Variants in NRCAM observed in about 807,000 individuals in gnomAD.
NRCAM encodes the protein neuronal cell adhesion molecule.
Under a neutral mutation model 156.5 loss-of-function variants are expected in NRCAM, and 83 were observed. The observed-to-expected ratio is 0.53, with a 90% CI of 0.44 to 0.64. NRCAM has a LOEUF of 0.64. Ranked by LOEUF, NRCAM falls within the 30% of genes least tolerant of loss-of-function variation. The probability of loss-of-function intolerance (pLI) is 0.00; values close to 1 mark genes in which losing one functional copy is unlikely to be tolerated. For synonymous variants in NRCAM, 538 were observed against 563.9 expected, an observed-to-expected ratio of 0.95 and a Z score of 0.65; for missense variants, 1,417 against 1,597.3, an observed-to-expected ratio of 0.89 and a Z score of 1.92.
At chr7:108,449,813 C>G (rs1162752505) in intron 1 of NRCAM, among the ~76,000 whole-genome samples, 4 of 152,116 alleles carry the variant, frequency 2.6e-5, no homozygotes, top group Non-Finnish European at 5.9e-5. Context: ...TTTGAATGCT[C>G]TCAGCCCACT....
intron 3 of NRCAM, among the ~76,000 whole-genome samples, chr7:108,309,812 G>A (rs965114212): frequency 3.9e-5 from 6 of 152,120 alleles, no homozygotes; most frequent in African/African-American, 9.7e-5. Flanking sequence ...AGCAGAGATC[G>A]CGCCATTGCA....
intron 2 of NRCAM, among the ~76,000 whole-genome samples, chr7:108,323,313 T>A (rs143952184): frequency 7.9e-4 from 121 of 152,344 alleles, no homozygotes; most frequent in African/African-American, 2.8e-3. Context: ...CAATTTCTAT[T>A]TCCACCATTC....
At chr7:108,431,022 T>C (rs992378136) in intron 1 of NRCAM, among the ~76,000 whole-genome samples, 1 of 152,210 alleles carries the variant, frequency 6.6e-6, no homozygotes, top group African/African-American at 2.4e-5. Flanking sequence ...GTCATGCCTG[T>C]CATGTACATG....
intron 1 of NRCAM, among the ~76,000 whole-genome samples, chr7:108,418,762 A>AC (rs1352222873): frequency 6.6e-6 from 1 of 152,236 alleles, no homozygotes; most frequent in East Asian, 1.9e-4. Context: ...TAATTTCAAC[A>AC]TTTTAATACA....
intron 3 of NRCAM, among the ~76,000 whole-genome samples, chr7:108,273,155 C>T (rs1313032414): frequency 1.3e-4 from 20 of 152,106 alleles, no homozygotes; most frequent in Admixed American, 1.3e-3. Context: ...TATTGATGGG[C>T]ATTTGGGTTG....
At chr7:108,368,604 T>C (rs539101748) in intron 2 of NRCAM, among the ~76,000 whole-genome samples, 194 of 152,270 alleles carry the variant, frequency 1.3e-3, no homozygotes, top group African/African-American at 4.5e-3. Flanking sequence ...AATGTTGCTA[T>C]GGAATCCTTT....
chr7:108,161,865 T>G (rs1421643797), intron 30 of NRCAM, among the ~76,000 whole-genome samples: 1 of 151,232 alleles, frequency 6.6e-6, no homozygotes, highest in African/African-American at 2.5e-5. Context: ...GCTGGTAGCC[T>G]TTTCCCAATA....
chr7:108,177,714 TAC>T (rs2061451548), intron 26 of NRCAM, among the ~76,000 whole-genome samples: 2 of 19,520 alleles, frequency 1.0e-4, no homozygotes, highest in Non-Finnish European at 2.5e-4. Flanking sequence ...TATATATATA[TAC>T]GTGTGTATAT....
intron 32 of NRCAM, among the ~76,000 whole-genome samples, chr7:108,151,050 C>T (rs567139089): frequency 2.8e-4 from 42 of 152,206 alleles, no homozygotes; most frequent in African/African-American, 4.8e-4. Context: ...TACTTTAATA[C>T]GACTTTACAA....
At chr7:108,451,344 C>G (rs1171171007) in intron 1 of NRCAM, among the ~76,000 whole-genome samples, 1 of 152,036 alleles carries the variant, frequency 6.6e-6, no homozygotes, top group South Asian at 2.1e-4. Flanking sequence ...AAACTGGAAC[C>G]CCTGCGCATT....
At chr7:108,178,238 GAA>G (rs1172523116) in intron 25 of NRCAM, 126 bp from the exon 26 acceptor site, 1 of 891,602 alleles carries the variant, frequency 1.1e-6, no homozygotes, top group Non-Finnish European at 1.7e-6. Flanking sequence ...TGATTCAGCT[GAA>G]AATACATTAG....
chr7:108,181,060 A>G lies in NRCAM; in HGVS notation c.2647-633T>C, dbSNP rs114910985. ...GATTGCAGGCACAGGTTTTGGAGAGATGGATAAGAAAGTACTGATTAATTT... is the reference window on the plus strand; with the variant it reads ...GATTGCAGGCACAGGTTTTGGAGAGGTGGATAAGAAAGTACTGATTAATTT... On this transcript the variant is annotated intron_variant, in intron 24 of 32. Coordinates refer to ENST00000379028, the MANE Select transcript of NRCAM (RefSeq NM_001037132.4). Among the ~76,000 whole-genome samples, 440 of 152,276 alleles carry G rather than the reference A, an allele frequency of 2.9e-3. 2 individuals carry two copies. The highest frequency in any genetic ancestry group is 9.9e-3 in the African/African-American group (412 of 41,548).
At chr7:108,341,047 AT>A (rs1210103754) in intron 2 of NRCAM, among the ~76,000 whole-genome samples, 1 of 152,184 alleles carries the variant, frequency 6.6e-6, no homozygotes, top group Admixed American at 6.5e-5. Context: ...GGCAAATCCA[AT>A]GCCTAATAGG....
At chr7:108,323,786 G>C (rs931274353) in intron 2 of NRCAM, among the ~76,000 whole-genome samples, 1 of 152,098 alleles carries the variant, frequency 6.6e-6, no homozygotes, top group African/African-American at 2.4e-5. Context: ...TGAGAAAATA[G>C]AGTGTGAAGA....
chr7:108,176,808 C>CAT (rs1280475081), intron 26 of NRCAM: 29 of 449,094 alleles, frequency 6.5e-5, no homozygotes, highest in Admixed American at 4.0e-5. Context: ...CATATCATAT[C>CAT]ATATCATATA....
At position 108,234,663 on chromosome 7, in the gene NRCAM, T is replaced by C. The variant is rs749748989; in HGVS notation, c.150A>G (p.Gln50=). 9 of 1,611,846 alleles carry C rather than the reference T, an allele frequency of 5.6e-6. No individual in the cohort carries two copies. Among genetic ancestry groups the C allele is most frequent in the Non-Finnish European group, 5.9e-6 (7 of 1,178,308 alleles). ...CAATAATGTAATCTTTTGGAGACTG[T>C]TGGGTGATGGTTGGAGGCTGTACCA... ...EDLVQPPTIT[Q]QSPKDYIIDP... Residue 50 remains glutamine (Q), a synonymous_variant, in exon 6 of 33, where the codon CAA becomes CAG. Transcript: ENST00000379028.
chr7:108,260,814 T>A, intron 3 of NRCAM, among the ~76,000 whole-genome samples: 1 of 152,128 alleles, frequency 6.6e-6, no homozygotes, highest in East Asian at 1.9e-4. Flanking sequence ...ACAATGTATA[T>A]AAATTAGCCT....
At chr7:108,353,033 G>A (rs1408342511) in intron 2 of NRCAM, among the ~76,000 whole-genome samples, 4 of 146,964 alleles carry the variant, frequency 2.7e-5, no homozygotes, top group Admixed American at 6.8e-5. Context: ...TAAATTATAC[G>A]AGTGACATGT....
chr7:108,446,881 C>T (rs1255347011), intron 1 of NRCAM, among the ~76,000 whole-genome samples: 1 of 151,900 alleles, frequency 6.6e-6, no homozygotes, highest in Non-Finnish European at 1.5e-5. Context: ...ACGCCCACCA[C>T]CACACCTGGC....
Sources: allele counts gnomAD v4.1 joint callset (sites outside exome capture counted in the v4.1 genomes callset), GRCh38; gene constraint gnomAD v4.1.1; transcripts MANE v1.5; gene names NCBI Gene and HGNC (gene_info 2026-07-23, HGNC 2026-07-21).